DLGAP1: variants seen among roughly 807,000 people sequenced by gnomAD.
DLGAP1 encodes DLG associated protein 1.
A neutral mutation model predicts 90.8 loss-of-function variants in DLGAP1; 11 were observed. The observed-to-expected ratio is 0.12, with a 90% CI of 0.08 to 0.20. The LOEUF is 0.20. Ranked by LOEUF, DLGAP1 falls within the 10% of genes least tolerant of loss-of-function variation. The pLI, the probability that DLGAP1 is intolerant of heterozygous loss-of-function variation, is 1.00. For synonymous variants in DLGAP1, 558 were observed against 540.7 expected (o/e 1.03, Z -0.44); for missense variants, 1,050 against 1,333.8 (o/e 0.79, Z 3.31).
At chr18:4,437,056 T>C (rs12456558) in intron 1 of DLGAP1, among the ~76,000 whole-genome samples, 51,035 of 152,036 alleles carry the variant, frequency 0.34, 8,724 homozygotes, top group East Asian at 0.47. Context: ...AGAAAAACAA[T>C]TTTCCCAAAA....
chr18:3,685,127 G>A (rs1287526918), intron 7 of DLGAP1, among the ~76,000 whole-genome samples: 1 of 152,166 alleles, frequency 6.6e-6, no homozygotes, highest in Non-Finnish European at 1.5e-5. Flanking sequence ...CTTGATTTTA[G>A]TTATTGCCTT....
chr18:3,596,703 T>G, intron 7 of DLGAP1: 1 of 415,878 alleles, frequency 2.4e-6, no homozygotes, highest in Non-Finnish European at 4.7e-6. Flanking sequence ...GCTTGTTACA[T>G]GAAGGCGTGA....
At chr18:3,770,565 G>A (rs765218519) in intron 5 of DLGAP1, among the ~76,000 whole-genome samples, 4 of 152,158 alleles carry the variant, frequency 2.6e-5, no homozygotes, top group Non-Finnish European at 5.9e-5. Context: ...GGCTTTAGCT[G>A]TAGAAATGCA....
At chr18:3,806,977 GAA>G (rs2066595769) in intron 5 of DLGAP1, among the ~76,000 whole-genome samples, 2 of 152,184 alleles carry the variant, frequency 1.3e-5, no homozygotes, top group Non-Finnish European at 2.9e-5. Flanking sequence ...CCACAGAGCT[GAA>G]CCCAGGCTCC....
intron 3 of DLGAP1, among the ~76,000 whole-genome samples, chr18:3,903,385 C>A (rs912413125): frequency 2.0e-5 from 3 of 152,106 alleles, no homozygotes; most frequent in Non-Finnish European, 4.4e-5. Context: ...TTTTCAAAAA[C>A]CATTATTTGT....
At chr18:4,223,875 T>C (rs1164316842) in intron 1 of DLGAP1, among the ~76,000 whole-genome samples, 1 of 152,228 alleles carries the variant, frequency 6.6e-6, no homozygotes, top group Admixed American at 6.5e-5. Flanking sequence ...GGTGAATGTC[T>C]ACATTAAAGA....
chr18:3,855,663 G>A (rs1032017115), intron 4 of DLGAP1, among the ~76,000 whole-genome samples: 1 of 151,978 alleles, frequency 6.6e-6, no homozygotes, highest in South Asian at 2.1e-4. Flanking sequence ...ATCCAGGCTG[G>A]AGTGTAATGG....
chr18:4,159,449 C>G (rs1598507611), intron 1 of DLGAP1, among the ~76,000 whole-genome samples: 3 of 152,182 alleles, frequency 2.0e-5, no homozygotes, highest in Admixed American at 2.0e-4. Flanking sequence ...TTGCTGGTCT[C>G]TTCTTTGCCC....
chr18:3,841,385 G>A (rs1340901308), intron 4 of DLGAP1, among the ~76,000 whole-genome samples: 1 of 152,196 alleles, frequency 6.6e-6, no homozygotes, highest in Non-Finnish European at 1.5e-5. Flanking sequence ...AGTACTTTCA[G>A]TTTAATTTAA....
intron 3 of DLGAP1, among the ~76,000 whole-genome samples, chr18:3,955,878 A>G (rs2148973626): frequency 6.6e-6 from 1 of 152,326 alleles, no homozygotes; most frequent in African/African-American, 2.4e-5. Context: ...AGACATAGAA[A>G]CAGAAACTTT....
intron 7 of DLGAP1, among the ~76,000 whole-genome samples, chr18:3,674,589 C>T (rs541388988): frequency 6.6e-6 from 1 of 151,456 alleles, no homozygotes; most frequent in East Asian, 1.9e-4. Flanking sequence ...CATGGCACTT[C>T]AGCCTGGGTG....
At chr18:4,375,304 C>T (rs368480192) in intron 1 of DLGAP1, among the ~76,000 whole-genome samples, 1 of 152,092 alleles carries the variant, frequency 6.6e-6, no homozygotes, top group Admixed American at 6.6e-5. Context: ...TATTTGGATT[C>T]GTTGAATTAA....
chr18:4,123,021 A>G (rs751422847), intron 2 of DLGAP1, among the ~76,000 whole-genome samples: 2 of 152,164 alleles, frequency 1.3e-5, no homozygotes, highest in Non-Finnish European at 2.9e-5. Flanking sequence ...AGTGGAAATT[A>G]TTGTATAAGT....
At chr18:3,608,088 G>T (rs62083187) in intron 7 of DLGAP1, 41,983 of 152,178 alleles carry the variant, frequency 0.28, 6,512 homozygotes, top group Non-Finnish European at 0.34. Flanking sequence ...CATTTTGGGA[G>T]GATGCGGGCA....
intron 2 of DLGAP1, among the ~76,000 whole-genome samples, chr18:4,132,274 C>T (rs1295170178): frequency 1.3e-5 from 2 of 152,100 alleles, no homozygotes; most frequent in African/African-American, 2.4e-5. Context: ...AGTGAAGACC[C>T]TGACTAAGCA....
At chr18:4,087,511 A>G (rs1222941079) in intron 2 of DLGAP1, among the ~76,000 whole-genome samples, 1 of 152,196 alleles carries the variant, frequency 6.6e-6, no homozygotes, top group Non-Finnish European at 1.5e-5. Context: ...CCTGTAAGGA[A>G]TACTTTTAGT....
intron 4 of DLGAP1, among the ~76,000 whole-genome samples, chr18:3,821,504 A>T (rs1030860291): frequency 1.3e-5 from 2 of 152,184 alleles, no homozygotes; most frequent in African/African-American, 4.8e-5. Flanking sequence ...TTAAAATAAA[A>T]TGTAACCATT....
intron 1 of DLGAP1, among the ~76,000 whole-genome samples, chr18:4,360,990 G>C (rs964240612): frequency 7.2e-5 from 11 of 151,912 alleles, no homozygotes; most frequent in Admixed American, 7.2e-4. Context: ...TTACCTATTA[G>C]TTATGAAAAG....
chr18:3,835,932 T>A (rs1183530210), intron 4 of DLGAP1, among the ~76,000 whole-genome samples: 1 of 152,184 alleles, frequency 6.6e-6, no homozygotes, highest in Non-Finnish European at 1.5e-5. Flanking sequence ...GGAGGCACAG[T>A]TGTTATAAAA....
Sources: allele counts gnomAD v4.1 joint callset (sites outside exome capture counted in the v4.1 genomes callset), GRCh38; gene constraint gnomAD v4.1.1; transcripts MANE v1.5; gene names NCBI Gene and HGNC (gene_info 2026-07-23, HGNC 2026-07-21).